Variants in NEXMIF observed in about 807,000 individuals in gnomAD.
NEXMIF encodes the protein XLMR protein related to neurite extension.
NEXMIF carries 8 observed loss-of-function variants against 62.1 expected under a neutral mutation model. That is an observed-to-expected ratio of 0.13 (90% CI 0.08 to 0.23). The LOEUF is 0.23. Ranked by LOEUF, NEXMIF falls within the 10% of genes least tolerant of loss-of-function variation. The pLI is 1.00. For synonymous variants in NEXMIF, 404 were observed against 416.6 expected (o/e 0.97, Z 0.37); for missense variants, 976 against 1,113.3 (o/e 0.88, Z 1.75).
At chrX:74,781,083 T>C (rs2080245184) in intron 1 of NEXMIF, among the ~76,000 whole-genome samples, 1 of 112,463 alleles carries the variant, frequency 8.9e-6, no homozygotes. Flanking sequence ...CCTTCCATTA[T>C]TCCACACTGC....
intron 1 of NEXMIF, among the ~76,000 whole-genome samples, chrX:74,877,023 A>C (rs941794747): frequency 9.0e-6 from 1 of 111,453 alleles, no homozygotes; most frequent in Non-Finnish European, 1.9e-5. Flanking sequence ...TGTGAATTTG[A>C]TCCTGTCTTT....
chrX:74,760,902 C>G (rs1340735229), intron 1 of NEXMIF, among the ~76,000 whole-genome samples: 1 of 108,970 alleles, frequency 9.2e-6, no homozygotes, highest in Non-Finnish European at 1.9e-5. Context: ...GAGTCTCACT[C>G]TGTTGCCCAG....
intron 1 of NEXMIF, among the ~76,000 whole-genome samples, chrX:74,886,425 C>T (rs1418449782): frequency 8.9e-6 from 1 of 111,844 alleles, no homozygotes. Context: ...AAAATCTCCT[C>T]AAGCTGATAA....
chrX:74,766,177 C>T lies in NEXMIF; in HGVS notation c.-47-20480G>A, dbSNP rs140235226. Among the ~76,000 whole-genome samples the T allele has an allele frequency of 7.6e-3, 839 of 111,004 alleles. 10 individuals carry two copies. Among genetic ancestry groups the T allele is most frequent in the African/African-American group, 0.026 (783 of 30,527 alleles). ...TAGCTACCTTTAACATTCTTTCTTT[C>T]ATTTTGACCTTGGGAAGTCTGATGA... On this transcript the variant is annotated intron_variant, in intron 1 of 3. Transcript: ENST00000055682.
chrX:74,762,095 T>A (rs1281022338), intron 1 of NEXMIF, among the ~76,000 whole-genome samples: 1 of 109,346 alleles, frequency 9.1e-6, no homozygotes, highest in Admixed American at 9.9e-5. Context: ...TAGGTATATC[T>A]CCTAATGCTA....
At chrX:74,885,785 C>T (rs774745588) in intron 1 of NEXMIF, among the ~76,000 whole-genome samples, 1,376 of 111,681 alleles carry the variant, frequency 0.012, 21 homozygotes, top group African/African-American at 0.042. Flanking sequence ...GGAATCCTCC[C>T]TAACTCATTT....
rs374056123 is a variant in NEXMIF, at chrX:74,912,444, C to A, written c.-48+12439G>T. Among the ~76,000 whole-genome samples, 45 of 111,695 alleles carry A rather than the reference C, an allele frequency of 4.0e-4. No homozygotes were observed. In the East Asian group the frequency reaches 4.3e-3, roughly 11 times the overall value. On this transcript the variant is annotated intron_variant, in intron 1 of 3. Transcript: ENST00000055682. ...TTCCCTCTACTCAAATAGAGTGGTA[C>A]TAGGATCTGCAGCATGCCACACCAT...
intron 1 of NEXMIF, among the ~76,000 whole-genome samples, chrX:74,839,473 G>A (rs933269575): frequency 5.4e-5 from 6 of 111,723 alleles, no homozygotes; most frequent in Non-Finnish European, 9.4e-5. Context: ...ATAGGAGGTT[G>A]TAACATGGGA....
At chrX:74,816,599 T>C (rs1363816321) in intron 1 of NEXMIF, among the ~76,000 whole-genome samples, 2 of 112,100 alleles carry the variant, frequency 1.8e-5, no homozygotes, top group Non-Finnish European at 3.8e-5. Context: ...GATAAAAGCA[T>C]TGCTTTTAAA....
At chrX:74,772,346 C>A (rs985577430) in intron 1 of NEXMIF, among the ~76,000 whole-genome samples, 1 of 112,257 alleles carries the variant, frequency 8.9e-6, no homozygotes, top group Non-Finnish European at 1.9e-5. Flanking sequence ...TTCTACCTCT[C>A]CCCACCAGGG....
At chrX:74,796,190 T>TTATATATACATATATATTA (rs1569345170) in intron 1 of NEXMIF, among the ~76,000 whole-genome samples, 36 of 56,695 alleles carry the variant, frequency 6.3e-4, no homozygotes, top group Non-Finnish European at 1.1e-3. Flanking sequence ...TACATATATA[T>TTATATATACATATATATTA]TATATATATA....
rs1018660313 is a variant in NEXMIF at position 74,803,366 on chromosome X, C to T, written c.-47-57669G>A. Reference sequence around the variant, plus strand: ...GAGATCGAGACCATCCTGGCTAACACGGTGAAACCCTGTCTGTTCTAAAAA... The same window carrying T: ...GAGATCGAGACCATCCTGGCTAACATGGTGAAACCCTGTCTGTTCTAAAAA... On this transcript the variant is annotated intron_variant, in intron 1 of 3. Transcript: ENST00000055682. Among the ~76,000 whole-genome samples, 10 of 110,861 alleles carry T rather than the reference C, an allele frequency of 9.0e-5. No homozygotes were observed. The East Asian group carries it at 2.0e-3, about 22-fold the overall frequency.
chrX:74,740,214 T>C lies in NEXMIF; in HGVS notation c.4343A>G (p.Tyr1448Cys), dbSNP rs2080097417. 8.3e-7 allele frequency: 1 copy of C among 1,211,687 alleles called. No individual in the cohort carries two copies. The highest frequency in any genetic ancestry group is 1.1e-6 in the Non-Finnish European group (1 of 895,439). The change falls in exon 3 of 4, where the codon TAT becomes TGT. Residue 1448 changes from tyrosine to cysteine, a missense_variant. Tyr to Cys is a radical substitution (Grantham distance 194, BLOSUM62 -2). Coordinates refer to ENST00000055682, the MANE Select transcript of NEXMIF (RefSeq NM_001008537.3). ...GGCCTTGGAGCTGGATTTGTGACGATACAACTTTTTGTGTGTCGGTCCGTT... is the reference window on the plus strand; with the variant it reads ...GGCCTTGGAGCTGGATTTGTGACGACACAACTTTTTGTGTGTCGGTCCGTT... Reference protein sequence around the residue: ...GNNGPTHKKLYRHKSSSKALR... With the variant: ...GNNGPTHKKLCRHKSSSKALR...
intron 1 of NEXMIF, among the ~76,000 whole-genome samples, chrX:74,879,937 T>G (rs2080656003): frequency 8.9e-6 from 1 of 111,906 alleles, no homozygotes. Flanking sequence ...TCATCGATAA[T>G]GGGGAAATGA....
intron 1 of NEXMIF, among the ~76,000 whole-genome samples, chrX:74,788,275 T>C (rs1389778166): frequency 8.9e-6 from 1 of 111,991 alleles, no homozygotes; most frequent in African/African-American, 3.2e-5. Flanking sequence ...GGTAAACAGA[T>C]TGTATTTTTA....
intron 1 of NEXMIF, among the ~76,000 whole-genome samples, chrX:74,806,067 A>G (rs1275485972): frequency 9.0e-6 from 1 of 110,788 alleles, no homozygotes; most frequent in Non-Finnish European, 1.9e-5. Flanking sequence ...CCAGTCCTTT[A>G]TCAGATACGT....
chrX:74,924,552 G>T (rs777662361), intron 1 of NEXMIF, among the ~76,000 whole-genome samples: 1 of 113,410 alleles, frequency 8.8e-6, no homozygotes, highest in Admixed American at 9.2e-5. Context: ...AAAGGAGGCG[G>T]CACTCTGCCG....
rs1225166711 is a variant in NEXMIF at position 74,925,026 on chromosome X, T to TGCCGCCGCC, written c.-200_-192dup. Reference sequence around the variant, plus strand: ...TAGCCGCCACCGCCGCTGCTACTGCTGCCGCCGCCGCCGCCGCCTCTGCCT... The same window carrying TGCCGCCGCC: ...TAGCCGCCACCGCCGCTGCTACTGCTGCCGCCGCCGCCGCCGCCGCCGCCGCCTCTGCCT... On this transcript the variant is annotated 5_prime_UTR_variant, in exon 1 of 4. Transcript: ENST00000055682. 2 of 120,803 alleles carry TGCCGCCGCC rather than the reference T, an allele frequency of 1.7e-5. No individual in the cohort carries two copies. Among genetic ancestry groups the TGCCGCCGCC allele is most frequent in the Non-Finnish European group, 3.4e-5 (2 of 58,333 alleles). 10.0% of individuals were successfully genotyped at this position (120,803 alleles called of 1,213,427 possible).
chrX:74,748,249 T>C (rs894993119), intron 1 of NEXMIF, among the ~76,000 whole-genome samples: 2 of 112,088 alleles, frequency 1.8e-5, no homozygotes, highest in African/African-American at 6.5e-5. Flanking sequence ...ATTAACTTAG[T>C]GATTATCAAT....
Sources: gnomAD v4.1 joint callset for allele counts (sites outside exome capture counted in the v4.1 genomes callset) on GRCh38, gnomAD v4.1.1 for gene constraint, MANE v1.5 for transcripts, NCBI Gene and HGNC (gene_info 2026-07-23, HGNC 2026-07-21) for gene names.